COL4A1: variants seen among roughly 807,000 people sequenced by gnomAD.
COL4A1 encodes collagen alpha-1(IV) chain.
COL4A1 carries 40 observed loss-of-function variants against 216.6 expected under a neutral mutation model. The observed-to-expected ratio is 0.18, with a 90% confidence interval of 0.14 to 0.24. COL4A1 has a LOEUF of 0.24. Among genes scored for constraint, COL4A1 ranks in the 10% least tolerant of loss-of-function variants. COL4A1 has a pLI of 1.00. For synonymous variants in COL4A1, 839 were observed against 810.7 expected (o/e 1.03, Z -0.59); for missense variants, 1,628 against 2,196.8 (o/e 0.74, Z 5.18).
At chr13:110,232,313 T>C (rs1021838932) in intron 2 of COL4A1, among the ~76,000 whole-genome samples, 5 of 152,250 alleles carry the variant, frequency 3.3e-5, no homozygotes, top group African/African-American at 1.2e-4. Context: ...AATTCTTCCT[T>C]TGTTTAATTG....
chr13:110,179,016 A>G lies in COL4A1; in HGVS notation c.2365T>C (p.Leu789=). The G allele has an allele frequency of 1.2e-6, 2 of 1,611,318 alleles. No individual in the cohort carries two copies. The change falls in exon 31 of 52, where the codon TTG becomes CTG. Residue 789 remains leucine, a synonymous_variant. Coordinates refer to ENST00000375820, the MANE Select transcript of COL4A1 (RefSeq NM_001845.6). ...CCTGGAGACCCCACGGAGCCTGGCAATCCAGGAGGTCCCGGTTCACCTGGA... is the reference window on the plus strand; with the variant it reads ...CCTGGAGACCCCACGGAGCCTGGCAGTCCAGGAGGTCCCGGTTCACCTGGA... ...GIRGEPGPPG[L]PGSVGSPGVP... is the part of the protein sequence containing the mutation.
intron 2 of COL4A1, among the ~76,000 whole-genome samples, chr13:110,219,333 AAC>A (rs1392046816): frequency 6.6e-5 from 10 of 152,234 alleles, no homozygotes; most frequent in African/African-American, 2.2e-4. Flanking sequence ...AATGAAATTT[AAC>A]AGTGTGGATT....
At chr13:110,177,096 A>C in intron 33 of COL4A1, 59 bp from the exon 34 acceptor site, 6 of 1,606,134 alleles carry the variant, frequency 3.7e-6, no homozygotes, top group Non-Finnish European at 5.1e-6. Context: ...GGTGCTCAAA[A>C]GGCTCACGTT....
chr13:110,198,673 C>T (rs1255042690), intron 20 of COL4A1, 42 bp from the exon 21 acceptor site: 1 of 1,612,104 alleles, frequency 6.2e-7, no homozygotes, highest in Non-Finnish European at 8.5e-7. Flanking sequence ...CTCAGGGCCA[C>T]TTAGCAACTA....
intron 1 of COL4A1, among the ~76,000 whole-genome samples, chr13:110,259,090 C>T (rs931470129): frequency 3.3e-5 from 5 of 152,240 alleles, no homozygotes; most frequent in African/African-American, 4.8e-5. Flanking sequence ...CCATTTCTGA[C>T]GCGTGCGCCC....
chr13:110,285,080 C>T (rs1883785509), intron 1 of COL4A1, among the ~76,000 whole-genome samples: 1 of 152,234 alleles, frequency 6.6e-6, no homozygotes, highest in Non-Finnish European at 1.5e-5. Flanking sequence ...GGAAAGAACA[C>T]TCTGAGCAGT....
intron 50 of COL4A1, 106 bp from the exon 51 acceptor site, chr13:110,152,612 C>T (rs1876560019): frequency 1.8e-5 from 23 of 1,291,388 alleles, no homozygotes; most frequent in Non-Finnish European, 2.5e-5. Context: ...TGGAAAGCCA[C>T]ACACTGCAGC....
chr13:110,300,178 A>G (rs1888006), intron 1 of COL4A1, among the ~76,000 whole-genome samples: 146,023 of 152,282 alleles, frequency 0.96, 70,319 homozygotes, highest in East Asian at 1. Context: ...GTTATCATTG[A>G]GTTTATCTGT....
intron 1 of COL4A1, among the ~76,000 whole-genome samples, chr13:110,282,121 ATTT>A (rs1461927097): frequency 1.3e-5 from 2 of 152,196 alleles, no homozygotes; most frequent in African/African-American, 2.4e-5. Context: ...AACTTTTACA[ATTT>A]GACCTCTCTC....
rs1881619766 is a variant in COL4A1 at position 110,242,702 on chromosome 13, A to G, written c.117T>C (p.Cys39=). 3.1e-6 allele frequency: 5 copies of G among 1,614,150 alleles called. No homozygotes were observed. In the African/African-American group the frequency reaches 6.7e-5, roughly 22 times the overall value. Residue 39 remains cysteine (C), a synonymous_variant, in exon 2 of 52, where the codon TGT becomes TGC. Transcript: ENST00000375820. ...TTTGTCCCTTCACTCCATGGCAGTC[A>G]CATTTGCCACAGCCAGAGCCAGCAC... ...GGCAGSGCGK[C]DCHGVKGQKG...
chr13:110,222,520 T>G (rs1040830629), intron 2 of COL4A1, among the ~76,000 whole-genome samples: 2 of 136,586 alleles, frequency 1.5e-5, no homozygotes, highest in African/African-American at 5.0e-5. Flanking sequence ...ACGCCTGTAA[T>G]CCTAGCACTT....
chr13:110,174,365 G>T, intron 39 of COL4A1, 81 bp downstream of exon 39: 2 of 1,501,690 alleles, frequency 1.3e-6, no homozygotes, highest in Non-Finnish European at 1.8e-6. Context: ...CCCCGTCTGT[G>T]ATGGGAACTC....
At chr13:110,283,611 T>C (rs773656468) in intron 1 of COL4A1, among the ~76,000 whole-genome samples, 6 of 152,112 alleles carry the variant, frequency 3.9e-5, no homozygotes, top group African/African-American at 1.2e-4. Flanking sequence ...CAGGCACACA[T>C]ATGAACACAA....
At chr13:110,166,356 A>C (rs1270017171) in intron 44 of COL4A1, 53 bp from the exon 45 acceptor site, 1 of 1,114,540 alleles carries the variant, frequency 9.0e-7, no homozygotes, top group Non-Finnish European at 1.4e-6. Context: ...TGATATACAA[A>C]TATGTGTGTG....
intron 50 of COL4A1, among the ~76,000 whole-genome samples, chr13:110,154,630 G>A (rs1369726890): frequency 3.9e-5 from 6 of 152,238 alleles, no homozygotes; most frequent in African/African-American, 1.4e-4. Flanking sequence ...TGCTCATATA[G>A]AGAAACCGGT....
rs5806848 is a variant in COL4A1 at position 110,295,422 on chromosome 13, CTTTTT to C, written c.84+11517_84+11521del. ...ACAAAATATTCTTGTAGTTCACTTC[CTTTTT>C]TTTTTTTTTTTTTTTTTGACAAAGT... is the stretch of plus-strand genomic sequence containing the variant. On this transcript the variant is annotated intron_variant, in intron 1 of 51. Coordinates refer to ENST00000375820, the MANE Select transcript of COL4A1 (RefSeq NM_001845.6). 3.7e-3 allele frequency among the ~76,000 whole-genome samples: 324 copies of C among 88,214 alleles called. 6 individuals are homozygous for C. The highest frequency in any genetic ancestry group is 0.013 in the African/African-American group (308 of 24,438). 57.9% of individuals were successfully genotyped at this position (88,214 alleles called of 152,430 possible). A position where few individuals can be genotyped will look rare whatever the true frequency, so the allele number is the denominator to read the frequency against.
intron 41 of COL4A1, among the ~76,000 whole-genome samples, chr13:110,172,187 T>C (rs1877676567): frequency 6.6e-6 from 1 of 152,240 alleles, no homozygotes; most frequent in African/African-American, 2.4e-5. Flanking sequence ...CTCTTCAGTG[T>C]CGTGCAGCTC....
intron 10 of COL4A1, 94 bp from the exon 11 acceptor site, chr13:110,209,521 C>T: frequency 1.1e-6 from 1 of 919,960 alleles, no homozygotes; most frequent in South Asian, 1.5e-5. Context: ...ATTCTCTGGT[C>T]AACATGATAA....
chr13:110,162,140 C>A (rs2139145915), intron 48 of COL4A1, 90 bp downstream of exon 48: 1 of 1,219,608 alleles, frequency 8.2e-7, no homozygotes, highest in East Asian at 2.3e-5. Context: ...ACTGCCCTCA[C>A]TGCAGCAGCA....
Sources: allele counts gnomAD v4.1 joint callset (sites outside exome capture counted in the v4.1 genomes callset), GRCh38; gene constraint gnomAD v4.1.1; transcripts MANE v1.5; gene names NCBI Gene and HGNC (gene_info 2026-07-23, HGNC 2026-07-21).